Variants in MAP3K13 observed in about 807,000 individuals in gnomAD.
The protein encoded by MAP3K13 is leucine zipper-bearing kinase.
A neutral mutation model predicts 104.0 loss-of-function variants in MAP3K13; 52 were observed. The observed-to-expected ratio is 0.50, with a 90% CI of 0.40 to 0.63. The LOEUF is 0.63. Among genes scored for constraint, MAP3K13 ranks in the 20% least tolerant of loss-of-function variants. The pLI is 0.00. For missense variants in MAP3K13, 914 were observed against 1,218.5 expected (o/e 0.75, Z 3.72); for synonymous variants, 394 against 442.2 (o/e 0.89, Z 1.37).
At chr3:185,341,925 G>C (rs1329470791) in intron 2 of MAP3K13, among the ~76,000 whole-genome samples, 1 of 152,180 alleles carries the variant, frequency 6.6e-6, no homozygotes, top group Non-Finnish European at 1.5e-5. Flanking sequence ...TTACTATCTA[G>C]CACTTTAAGA....
At position 185,411,941 on chromosome 3, in the gene MAP3K13, G is replaced by A. The variant is rs767021638; in HGVS notation, c.-85-16556G>A. 3.5e-4 allele frequency among the ~76,000 whole-genome samples: 53 copies of A among 151,700 alleles called. 1 individual carries two copies. Among genetic ancestry groups the A allele is most frequent in the Non-Finnish European group, 6.6e-4 (45 of 67,926 alleles). On this transcript the variant is annotated intron_variant, in intron 1 of 13. Transcript: ENST00000265026. ...CTGGGACTACAGGTGTGTACAACAC[G>A]CCCAACTAATTTTTGTATTTTTAGT...
At chr3:185,415,669 T>C (rs1176755951) in intron 1 of MAP3K13, among the ~76,000 whole-genome samples, 1 of 149,612 alleles carries the variant, frequency 6.7e-6, no homozygotes, top group African/African-American at 2.5e-5. Flanking sequence ...CTGCAACCTT[T>C]GCCTCCCGGG....
intron 1 of MAP3K13, among the ~76,000 whole-genome samples, chr3:185,382,726 C>T (rs1320645589): frequency 6.6e-6 from 1 of 152,014 alleles, no homozygotes; most frequent in Non-Finnish European, 1.5e-5. Context: ...TGGTACCGGC[C>T]GGGCGCGGTG....
intron 2 of MAP3K13, among the ~76,000 whole-genome samples, chr3:185,437,212 G>A (rs1715090090): frequency 6.6e-6 from 1 of 151,812 alleles, no homozygotes; most frequent in Non-Finnish European, 1.5e-5. Flanking sequence ...TTTGGAGGAA[G>A]GTATATTGGA....
intron 1 of MAP3K13, among the ~76,000 whole-genome samples, chr3:185,404,605 C>T (rs902579238): frequency 6.6e-6 from 1 of 152,184 alleles, no homozygotes; most frequent in Non-Finnish European, 1.5e-5. Flanking sequence ...AAGATAGAAT[C>T]TTGCTCTGTC....
intron 10 of MAP3K13, among the ~76,000 whole-genome samples, chr3:185,471,197 T>C (rs1031192071): frequency 1.4e-4 from 22 of 152,170 alleles, no homozygotes; most frequent in African/African-American, 5.1e-4. Flanking sequence ...TTTGGCTAAC[T>C]TTCTAAAACA....
intron 1 of MAP3K13, among the ~76,000 whole-genome samples, chr3:185,404,814 T>C (rs1227368852): frequency 6.6e-6 from 1 of 152,104 alleles, no homozygotes; most frequent in Non-Finnish European, 1.5e-5. Context: ...TGACCTCAGG[T>C]GATCCGCCCG....
At chr3:185,351,911 A>G (rs1415858815) in intron 2 of MAP3K13, among the ~76,000 whole-genome samples, 1 of 152,188 alleles carries the variant, frequency 6.6e-6, no homozygotes, top group African/African-American at 2.4e-5. Context: ...GGTTACTTCT[A>G]TTTGTTCTGC....
intron 1 of MAP3K13, among the ~76,000 whole-genome samples, chr3:185,427,678 A>G (rs1178394959): frequency 6.6e-6 from 1 of 152,256 alleles, no homozygotes; most frequent in Non-Finnish European, 1.5e-5. Context: ...ACGAAAGCAA[A>G]GAGAAAAGAT....
intron 3 of MAP3K13, among the ~76,000 whole-genome samples, chr3:185,441,677 T>A (rs1373046807): frequency 6.6e-6 from 1 of 150,820 alleles, no homozygotes. Flanking sequence ...CCAAGACGGG[T>A]GGATCACTTG....
intron 7 of MAP3K13, among the ~76,000 whole-genome samples, chr3:185,453,466 T>C (rs1385182686): frequency 6.6e-6 from 1 of 152,072 alleles, no homozygotes; most frequent in African/African-American, 2.4e-5. Flanking sequence ...AAAACAGTCC[T>C]GAACTTTTGG....
rs1289163589 is a variant in MAP3K13, at chr3:185,395,364, T to C, written c.-86+31996T>C. ...TCTAATTCAATATTATTTCTTTTTT[T>C]TTTTTTTTTTTTGAGACGGAGTCTC... On this transcript the variant is annotated intron_variant, in intron 1 of 13. Coordinates refer to ENST00000265026, the MANE Select transcript of MAP3K13 (RefSeq NM_004721.5). 2.0e-4 allele frequency among the ~76,000 whole-genome samples: 15 copies of C among 74,526 alleles called. 2 individuals carry two copies. Among genetic ancestry groups the C allele is most frequent in the Admixed American group, 1.8e-3 (12 of 6,856 alleles). 48.9% of individuals were successfully genotyped at this position (74,526 alleles called of 152,430 possible).
At chr3:185,367,024 CT>C (rs1219769976) in intron 1 of MAP3K13, among the ~76,000 whole-genome samples, 1 of 152,108 alleles carries the variant, frequency 6.6e-6, no homozygotes, top group Non-Finnish European at 1.5e-5. Context: ...TAAAGATTTA[CT>C]TCTATGTTTT....
chr3:185,322,032 A>T (rs1721888315), intron 2 of MAP3K13, among the ~76,000 whole-genome samples: 1 of 152,216 alleles, frequency 6.6e-6, no homozygotes, highest in South Asian at 2.1e-4. Context: ...AAATAGGAAG[A>T]TGACCTCCTG....
At chr3:185,321,849 C>T (rs770893617) in intron 2 of MAP3K13, among the ~76,000 whole-genome samples, 2 of 152,214 alleles carry the variant, frequency 1.3e-5, no homozygotes, top group Non-Finnish European at 2.9e-5. Context: ...GGTGATCTGT[C>T]CACCTCAGCC....
rs868139684 is a variant in MAP3K13, at chr3:185,287,198, G to C, written c.-86+1555G>C. On this transcript the variant is annotated intron_variant, in intron 2 of 14. Transcript: ENST00000424227. ...CTGACCTGACCAGGTGATACCGTGGGTGTTACCTTTGTTTGCAAGCTAGGT... is the reference window on the plus strand; with the variant it reads ...CTGACCTGACCAGGTGATACCGTGGCTGTTACCTTTGTTTGCAAGCTAGGT... 6.7e-4 allele frequency among the ~76,000 whole-genome samples: 102 copies of C among 152,280 alleles called. No individual in the cohort carries two copies. In the Middle Eastern group the frequency reaches 0.01, roughly 15 times the overall value.
Position 185,336,817 on chromosome 3 carries a change from CA to C in MAP3K13, c.-86+51181del, listed in dbSNP as rs146249249. ...AAAAATTATTGCCCTCCCCTTATTA[CA>C]AAAAAAGTATGAATATATGTGTGTT... On this transcript the variant is annotated intron_variant, in intron 2 of 14. Coordinates refer to the MAP3K13 transcript ENST00000424227. 3.5e-3 allele frequency among the ~76,000 whole-genome samples: 524 copies of C among 151,722 alleles called. 3 individuals are homozygous for C. Among genetic ancestry groups the C allele is most frequent in the African/African-American group, 0.012 (500 of 41,358 alleles).
intron 2 of MAP3K13, among the ~76,000 whole-genome samples, chr3:185,288,473 C>A (rs1720612167): frequency 6.9e-6 from 1 of 144,878 alleles, no homozygotes. Flanking sequence ...TATATATATT[C>A]CAGAAATATA....
Position 185,473,644 on chromosome 3 carries a change from G to C in MAP3K13, c.2313G>C (p.Gln771His). Reference protein sequence around the residue: ...PAHNPLLENAQSSEKTEENEF... With the variant: ...PAHNPLLENAHSSEKTEENEF... ...ATAATCCTCTCTTGGAAAACGCCCA[G>C]AGTTCTGAGAAAACGGAAGAAAATG... Residue 771 changes from glutamine to histidine, a missense_variant, in exon 11 of 14, where the codon CAG (glutamine) becomes CAC (histidine). By Grantham distance (24) the Gln-to-His change is conservative (BLOSUM62 0). Coordinates refer to ENST00000265026, the MANE Select transcript of MAP3K13 (RefSeq NM_004721.5). The surrounding 1 kb of genome is among the most constrained non-coding windows in gnomAD (Gnocchi z 4.9). 2 of 1,614,192 alleles carry C rather than the reference G, an allele frequency of 1.2e-6. No homozygotes were observed. The highest frequency in any genetic ancestry group is 8.5e-7 in the Non-Finnish European group (1 of 1,180,046).
Sources: gnomAD v4.1 joint callset for allele counts (sites outside exome capture counted in the v4.1 genomes callset) on GRCh38, gnomAD v4.1.1 for gene constraint, Gnocchi (gnomAD v3.1) non-coding constraint, MANE v1.5 for transcripts, NCBI Gene and HGNC (gene_info 2026-07-23, HGNC 2026-07-21) for gene names.